ZMYND8: variants seen among roughly 807,000 people sequenced by gnomAD.
ZMYND8 encodes the protein MYND-type zinc finger-containing chromatin reader ZMYND8.
Under a neutral mutation model 140.8 loss-of-function variants are expected in ZMYND8, and 37 were observed. That is an observed-to-expected ratio of 0.26 (90% confidence interval 0.20 to 0.35). ZMYND8 has a LOEUF of 0.35. ZMYND8 is among the 10% of genes least tolerant of loss of function. ZMYND8 has a pLI of 1.00. For missense variants in ZMYND8, 1,068 were observed against 1,570.0 expected (o/e 0.68, Z 5.40); for synonymous variants, 592 against 597.1 (o/e 0.99, Z 0.12).
intron 4 of ZMYND8, among the ~76,000 whole-genome samples, chr20:47,296,912 G>A (rs921689743): frequency 2.6e-5 from 4 of 152,110 alleles, no homozygotes; most frequent in East Asian, 1.9e-4. Context: ...GCAAGATCTC[G>A]TTACTGCACT....
intron 7 of ZMYND8, among the ~76,000 whole-genome samples, chr20:47,289,450 T>C (rs2077120590): frequency 6.6e-6 from 1 of 152,114 alleles, no homozygotes; most frequent in African/African-American, 2.4e-5. Flanking sequence ...GCAACACCAC[T>C]CCTAGGTATT....
At chr20:47,247,313 G>A (rs1010565024) in intron 13 of ZMYND8, among the ~76,000 whole-genome samples, 2 of 152,164 alleles carry the variant, frequency 1.3e-5, no homozygotes, top group African/African-American at 2.4e-5. Flanking sequence ...CTCTAGGCGG[G>A]GGACACACTT....
chr20:47,264,625 T>C lies in ZMYND8; in HGVS notation c.1481-2197A>G, dbSNP rs1180609369. ...AAATCTGTTTTACTGCAAGAATTAA[T>C]AGAATTGGCCTAGCACGTGGCATGC... is the stretch of plus-strand genomic sequence containing the variant. On this transcript the variant is annotated intron_variant, in intron 11 of 22. Transcript: ENST00000471951. Among the ~76,000 whole-genome samples, 3 of 152,032 alleles carry C rather than the reference T, an allele frequency of 2.0e-5. No individual in the cohort carries two copies. The East Asian group carries it at 5.8e-4, about 29-fold the overall frequency.
At chr20:47,223,367 A>C (rs912770933) in intron 19 of ZMYND8, among the ~76,000 whole-genome samples, 1 of 151,744 alleles carries the variant, frequency 6.6e-6, no homozygotes, top group Non-Finnish European at 1.5e-5. Context: ...TTAGCTGCGC[A>C]TGGTGATGTG....
chr20:47,324,845 T>G lies in ZMYND8; in HGVS notation c.86-14641A>C, dbSNP rs150613195. ...CCCAGCCTCCAGCCTCCAGACTCCT[T>G]ATTATATAATCCTGAAGTTATTTTT... On this transcript the variant is annotated intron_variant, in intron 2 of 22. Coordinates refer to ENST00000471951, the MANE Select transcript of ZMYND8 (RefSeq NM_001281775.3). 4.1e-4 allele frequency among the ~76,000 whole-genome samples: 62 copies of G among 152,326 alleles called. No individual in the cohort carries two copies. The East Asian group carries it at 6.7e-3, about 17-fold the overall frequency.
At chr20:47,274,139 A>G (rs184106103) in intron 11 of ZMYND8, among the ~76,000 whole-genome samples, 1 of 152,362 alleles carries the variant, frequency 6.6e-6, no homozygotes, top group East Asian at 1.9e-4. Context: ...GGGAAGACAG[A>G]AGCTAAATTA....
At chr20:47,322,504 G>C (rs1027410356) in intron 2 of ZMYND8, among the ~76,000 whole-genome samples, 1 of 147,014 alleles carries the variant, frequency 6.8e-6, no homozygotes, top group Admixed American at 6.8e-5. Flanking sequence ...GCAGTGGCGC[G>C]ATCTTGGCTC....
chr20:47,255,905 C>T (rs952016385), intron 12 of ZMYND8, among the ~76,000 whole-genome samples: 1 of 149,928 alleles, frequency 6.7e-6, no homozygotes, highest in Non-Finnish European at 1.5e-5. Context: ...GAAACCCTAT[C>T]TCTACTAAAT....
chr20:47,351,771 G>C, intron 1 of ZMYND8: 1 of 985,402 alleles, frequency 1.0e-6, no homozygotes, highest in Non-Finnish European at 1.2e-6. Context: ...AATGGCGTCT[G>C]GCAACACTGC....
chr20:47,228,857 G>A (rs993937293), intron 17 of ZMYND8, among the ~76,000 whole-genome samples: 2 of 152,160 alleles, frequency 1.3e-5, no homozygotes, highest in Non-Finnish European at 2.9e-5. Context: ...TAACCCGTTT[G>A]CATCTGGCCT....
At chr20:47,337,554 GA>G (rs1451833497) in intron 2 of ZMYND8, among the ~76,000 whole-genome samples, 2 of 152,076 alleles carry the variant, frequency 1.3e-5, no homozygotes, top group Non-Finnish European at 1.5e-5. Context: ...TCCCTACTTT[GA>G]CACTTCCTTA....
chr20:47,223,354 A>T (rs951760151), intron 19 of ZMYND8, among the ~76,000 whole-genome samples: 1 of 151,764 alleles, frequency 6.6e-6, no homozygotes, highest in Admixed American at 6.6e-5. Context: ...AATAATACAA[A>T]AATTAGCTGC....
In ZMYND8 at chr20:47,249,341, T is replaced by C; in HGVS notation, c.1720A>G (p.Ser574Gly). Residue 574 changes from serine to glycine, a missense_variant, in exon 13 of 23, where the codon AGC (serine) becomes GGC (glycine). Physicochemically the swap from Ser to Gly is moderately conservative, Grantham distance 56 (BLOSUM62 0). Transcript: ENST00000471951. Reference sequence around the variant, plus strand: ...TTGTCAAGATTCAGCTGGAACCTGCTACGAATCTGGCGCTTGGGAGAGATG... The same window carrying C: ...TTGTCAAGATTCAGCTGGAACCTGCCACGAATCTGGCGCTTGGGAGAGATG... ...PLISPKRQIR[S>G]RFQLNLDKTI... is the part of the protein sequence containing the mutation. The C allele has an allele frequency of 6.2e-7, 1 of 1,614,158 alleles. No individual in the cohort carries two copies. Among genetic ancestry groups the C allele is most frequent in the Non-Finnish European group, 8.5e-7 (1 of 1,180,028 alleles).
Position 47,231,556 on chromosome 20 carries a change from T to C in ZMYND8, c.2857-1750A>G, listed in dbSNP as rs910190. Among the ~76,000 whole-genome samples, 441 of 152,326 alleles carry C rather than the reference T, an allele frequency of 2.9e-3. 3 individuals are homozygous for C. The highest frequency in any genetic ancestry group is 0.01 in the African/African-American group (424 of 41,572). On this transcript the variant is annotated intron_variant, in intron 16 of 22. Transcript: ENST00000471951. ...TTATTTTTAAAGAAAAAGAAATTCA[T>C]GTAAGTATGCAATTGCGTAATTGCT...
intron 11 of ZMYND8, among the ~76,000 whole-genome samples, chr20:47,269,264 T>C (rs2075766153): frequency 6.6e-6 from 1 of 151,856 alleles, no homozygotes; most frequent in South Asian, 2.1e-4. Context: ...AAAATCCAAG[T>C]CAATATACAT....
intron 3 of ZMYND8, among the ~76,000 whole-genome samples, chr20:47,303,354 G>T (rs1367879754): frequency 1.3e-5 from 2 of 152,114 alleles, no homozygotes; most frequent in African/African-American, 4.8e-5. Context: ...AAAGATAACA[G>T]TCAGCCGTAT....
intron 19 of ZMYND8, among the ~76,000 whole-genome samples, chr20:47,223,282 G>A (rs2037240999): frequency 6.6e-6 from 1 of 152,098 alleles, no homozygotes; most frequent in African/African-American, 2.4e-5. Context: ...GAGGCCGGCA[G>A]ATCACTTGAG....
chr20:47,259,849 C>T (rs747647109), intron 12 of ZMYND8, among the ~76,000 whole-genome samples: 22 of 152,076 alleles, frequency 1.4e-4, no homozygotes, highest in Non-Finnish European at 3.1e-4. Context: ...TCCCCATCAC[C>T]CCCTCAAAGT....
intron 2 of ZMYND8, among the ~76,000 whole-genome samples, chr20:47,323,420 T>C (rs539640179): frequency 3.3e-5 from 5 of 151,910 alleles, no homozygotes; most frequent in African/African-American, 4.8e-5. Context: ...TTTTTATTTT[T>C]CGTAGCGATG....
Sources: allele counts gnomAD v4.1 joint callset (sites outside exome capture counted in the v4.1 genomes callset), GRCh38; gene constraint gnomAD v4.1.1; transcripts MANE v1.5; gene names NCBI Gene and HGNC (gene_info 2026-07-23, HGNC 2026-07-21).